CREB3L2: variants seen among roughly 807,000 people sequenced by gnomAD.
CREB3L2 encodes cyclic AMP-responsive element-binding protein 3-like protein 2.
In CREB3L2, 23 loss-of-function variants were observed where a neutral mutation model predicts 57.2. That is an observed-to-expected ratio of 0.40 (90% CI 0.29 to 0.57). CREB3L2 has a LOEUF of 0.57. Among genes scored for constraint, CREB3L2 ranks in the 20% least tolerant of loss-of-function variants. The pLI, the probability that CREB3L2 is intolerant of heterozygous loss-of-function variation, is 0.42. For missense variants in CREB3L2, 628 were observed against 634.7 expected, an observed-to-expected ratio of 0.99 and a Z score of 0.11; for synonymous variants, 268 against 265.1, an observed-to-expected ratio of 1.01 and a Z score of -0.11.
chr7:137,979,554 C>T (rs890665008), intron 1 of CREB3L2, among the ~76,000 whole-genome samples: 40 of 152,092 alleles, frequency 2.6e-4, no homozygotes, highest in African/African-American at 9.2e-4. Flanking sequence ...TGAAACCCCA[C>T]CTCTACTAAA....
chr7:137,945,797 C>T (rs75528726), intron 1 of CREB3L2, among the ~76,000 whole-genome samples: 2,706 of 152,272 alleles, frequency 0.018, 90 homozygotes, highest in African/African-American at 0.062. Flanking sequence ...TTTATTCACC[C>T]GCCTCCTCAT....
At position 137,890,552 on chromosome 7, in the gene CREB3L2, A is replaced by G. The variant is rs531744815; in HGVS notation, c.1044-5050T>C. On this transcript the variant is annotated intron_variant, in intron 8 of 11. Transcript: ENST00000330387. ...GTTCTGAGTTTAGGCAGCTACTCAG[A>G]TGAATTCCCTTGACCACATCAGCTC... Among the ~76,000 whole-genome samples the G allele has an allele frequency of 6.6e-5, 10 of 152,364 alleles. No individual in the cohort carries two copies. The South Asian group carries it at 2.1e-3, about 32-fold the overall frequency.
intron 1 of CREB3L2, among the ~76,000 whole-genome samples, chr7:137,992,948 G>C (rs931382337): frequency 6.6e-6 from 1 of 152,230 alleles, no homozygotes; most frequent in Non-Finnish European, 1.5e-5. Context: ...CATGGCTGGT[G>C]ACCACGCACT....
chr7:137,937,260 C>G (rs1317684285), intron 1 of CREB3L2, among the ~76,000 whole-genome samples: 1 of 152,204 alleles, frequency 6.6e-6, no homozygotes, highest in East Asian at 1.9e-4. Flanking sequence ...CAAGAGCAAG[C>G]TGATCCTCTC....
chr7:137,900,414 T>C (rs1364988500), intron 8 of CREB3L2, among the ~76,000 whole-genome samples: 2 of 152,202 alleles, frequency 1.3e-5, no homozygotes, highest in Non-Finnish European at 2.9e-5. Flanking sequence ...CTAGAGGAAT[T>C]TATCAACTTG....
In CREB3L2 at chr7:137,879,887, C is replaced by T. The variant is rs1363324482; in HGVS notation, c.*589G>A. The T allele has an allele frequency of 2.1e-5, 5 of 235,070 alleles. No individual in the cohort carries two copies. Among genetic ancestry groups the T allele is most frequent in the East Asian group, 6.1e-5 (1 of 16,522 alleles). 14.6% of individuals were successfully genotyped at this position (235,070 alleles called of 1,614,324 possible). A position where few individuals can be genotyped will look rare whatever the true frequency, so the allele number is the denominator to read the frequency against. On this transcript the variant is annotated 3_prime_UTR_variant, in exon 12 of 12. Transcript: ENST00000330387. Reference sequence around the variant, plus strand: ...CTGATCCCCTCAGGCATTGCACTTGCGGCCTGAGAATATGAACGAGAGCCC... The same window carrying T: ...CTGATCCCCTCAGGCATTGCACTTGTGGCCTGAGAATATGAACGAGAGCCC...
chr7:137,915,299 T>C (rs1199770040), intron 3 of CREB3L2, among the ~76,000 whole-genome samples: 1 of 152,098 alleles, frequency 6.6e-6, no homozygotes, highest in African/African-American at 2.4e-5. Context: ...AACACAATAA[T>C]AGGTGTTATT....
Position 137,875,022 on chromosome 7 carries a change from C to T in CREB3L2, c.*5454G>A, listed in dbSNP as rs572206646. 5 of 180,290 alleles carry T rather than the reference C, an allele frequency of 2.8e-5. No homozygotes were observed. Among genetic ancestry groups the T allele is most frequent in the African/African-American group, 9.6e-5 (4 of 41,720 alleles). 11.2% of individuals were successfully genotyped at this position (180,290 alleles called of 1,614,324 possible). ...TATTTATTTGCAAGAAATGGAAATACAAAAGCATAACAATTTCAATTTATT... is the reference window on the plus strand; with the variant it reads ...TATTTATTTGCAAGAAATGGAAATATAAAAGCATAACAATTTCAATTTATT... On this transcript the variant is annotated 3_prime_UTR_variant, in exon 12 of 12. Transcript: ENST00000330387.
chr7:137,919,726 G>A (rs974481426), intron 2 of CREB3L2, among the ~76,000 whole-genome samples: 1 of 152,140 alleles, frequency 6.6e-6, no homozygotes, highest in Non-Finnish European at 1.5e-5. Flanking sequence ...GAATATTTAT[G>A]CAGACATTAA....
chr7:137,948,659 C>T (rs1306255732), intron 1 of CREB3L2, among the ~76,000 whole-genome samples: 1 of 152,204 alleles, frequency 6.6e-6, no homozygotes, highest in African/African-American at 2.4e-5. Context: ...GTGCTGGGCT[C>T]ACCATAAGAC....
intron 1 of CREB3L2, among the ~76,000 whole-genome samples, chr7:137,989,432 G>GTTTTTTTTTTTTT (rs33944427): frequency 9.4e-6 from 1 of 106,032 alleles, no homozygotes; most frequent in African/African-American, 3.7e-5. Flanking sequence ...CTTTTCTCCA[G>GTTTTTTTTTTTTT]TTTTTTTTTT....
At chr7:137,928,065 C>T (rs1800516107) in intron 2 of CREB3L2, 85 bp downstream of exon 2, 1 of 1,067,614 alleles carries the variant, frequency 9.4e-7, no homozygotes, top group Non-Finnish European at 1.4e-6. Context: ...CTGACACCCT[C>T]TTTAATATAA....
chr7:137,973,202 T>G (rs937454614), intron 1 of CREB3L2, among the ~76,000 whole-genome samples: 2 of 150,462 alleles, frequency 1.3e-5, no homozygotes, highest in African/African-American at 4.9e-5. Context: ...AAATAGCATA[T>G]CATGAAAAAC....
At position 137,885,027 on chromosome 7, in the gene CREB3L2, T is replaced by G; in HGVS notation, c.1238A>C (p.His413Pro). 6.2e-7 allele frequency: 1 copy of G among 1,614,186 alleles called. No homozygotes were observed. Among genetic ancestry groups the G allele is most frequent in the Admixed American group, 1.7e-5 (1 of 60,022 alleles). Residue 413 changes from histidine to proline, a missense_variant, in exon 10 of 12, where the codon CAT (histidine) becomes CCT (proline). Transcript: ENST00000330387. The part of the protein sequence containing the change: ...SATKMALPSQ[H>P]SLQEPYTASV... ...GGCTGTGTAGGGCTCCTGCAGGGAA[T>G]GCTGGCTGGGCAGAGCCATCTTGGT... is the stretch of plus-strand genomic sequence containing the variant.
At chr7:137,936,005 G>A in intron 1 of CREB3L2, 6 of 921,664 alleles carry the variant, frequency 6.5e-6, no homozygotes, top group Non-Finnish European at 7.8e-6. Flanking sequence ...AGGTCACGAG[G>A]GTGAGGAAAG....
rs1193862745 is a variant in CREB3L2 at position 137,901,889 on chromosome 7, A to AAAAAAAG, written c.975-468_975-467insCTTTTTT. 8.1e-3 allele frequency among the ~76,000 whole-genome samples: 1,202 copies of AAAAAAAG among 148,450 alleles called. 19 individuals are homozygous for AAAAAAAG. The highest frequency in any genetic ancestry group is 0.014 in the Non-Finnish European group (945 of 66,654). On this transcript the variant is annotated intron_variant, in intron 7 of 11. Coordinates refer to ENST00000330387, the MANE Select transcript of CREB3L2 (RefSeq NM_194071.4). ...AGATCTGTCTCAAAAAAAAAAAAAA[A>AAAAAAAG]AAAGAAAAATAGAAGGAGCTGGGGC... is the stretch of plus-strand genomic sequence containing the variant.
At chr7:137,903,902 C>T (rs561302673) in intron 7 of CREB3L2, 57 bp downstream of exon 7, 3 of 1,379,280 alleles carry the variant, frequency 2.2e-6, no homozygotes, top group South Asian at 2.3e-5. Flanking sequence ...TCTCCGCACA[C>T]CCATATTTCC....
chr7:137,911,732 G>A (rs998430797), intron 4 of CREB3L2, among the ~76,000 whole-genome samples: 2 of 152,182 alleles, frequency 1.3e-5, no homozygotes, highest in Non-Finnish European at 2.9e-5. Flanking sequence ...CCGCTACTTG[G>A]GAGGCTGAGG....
intron 2 of CREB3L2, among the ~76,000 whole-genome samples, chr7:137,916,666 G>A (rs1800140413): frequency 6.6e-6 from 1 of 151,564 alleles, no homozygotes; most frequent in African/African-American, 2.4e-5. Context: ...TCAGTGAGCT[G>A]TGATCACATC....
Sources: gnomAD v4.1 joint callset for allele counts (sites outside exome capture counted in the v4.1 genomes callset) on GRCh38, gnomAD v4.1.1 for gene constraint, MANE v1.5 for transcripts, NCBI Gene and HGNC (gene_info 2026-07-23, HGNC 2026-07-21) for gene names.